Variants in CSNK1G3 observed in about 807,000 individuals in gnomAD.
The protein encoded by CSNK1G3 is casein kinase 1 gamma 3.
A neutral mutation model predicts 64.3 loss-of-function variants in CSNK1G3; 23 were observed. That is an observed-to-expected ratio of 0.36 (90% CI 0.26 to 0.51). The LOEUF is 0.51. CSNK1G3 is among the 20% of genes least tolerant of loss of function. The probability of loss-of-function intolerance (pLI) is 0.96; values close to 1 mark genes in which losing one functional copy is unlikely to be tolerated. For synonymous variants in CSNK1G3, 158 were observed against 162.2 expected (o/e 0.97, Z 0.20); for missense variants, 357 against 510.5 (o/e 0.70, Z 2.90).
At chr5:123,572,907 A>T (rs1373143515) in intron 4 of CSNK1G3, among the ~76,000 whole-genome samples, 2 of 152,216 alleles carry the variant, frequency 1.3e-5, no homozygotes, top group Non-Finnish European at 2.9e-5. Flanking sequence ...GTGAGATCCC[A>T]GGAATCATGC....
chr5:123,513,721 A>G (rs570561388), intron 1 of CSNK1G3, among the ~76,000 whole-genome samples: 49 of 152,202 alleles, frequency 3.2e-4, no homozygotes, highest in Non-Finnish European at 6.3e-4. Flanking sequence ...CTTTTTAAAG[A>G]TGTTTCTTTT....
chr5:123,590,998 G>C (rs1359352664), intron 9 of CSNK1G3, among the ~76,000 whole-genome samples: 1 of 151,694 alleles, frequency 6.6e-6, no homozygotes, highest in Non-Finnish European at 1.5e-5. Context: ...GGAAATGAGA[G>C]GCATAAACAT....
intron 10 of CSNK1G3, among the ~76,000 whole-genome samples, chr5:123,592,380 C>A (rs182691473): frequency 3.9e-5 from 6 of 151,912 alleles, no homozygotes; most frequent in African/African-American, 7.2e-5. Context: ...GATCAAGTAG[C>A]GAGTTCATGT....
At chr5:123,584,882 T>C (rs1283844955) in intron 6 of CSNK1G3, among the ~76,000 whole-genome samples, 1 of 152,210 alleles carries the variant, frequency 6.6e-6, no homozygotes, top group East Asian at 1.9e-4. Context: ...TATTCTTTTA[T>C]CATTCTTTTA....
intron 9 of CSNK1G3, 69 bp downstream of exon 9, chr5:123,590,627 A>G (rs975498676): frequency 1.2e-4 from 115 of 958,658 alleles, no homozygotes; most frequent in East Asian, 6.8e-4. Flanking sequence ...AATATCTTCA[A>G]TTGAAAAGAG....
intron 3 of CSNK1G3, among the ~76,000 whole-genome samples, chr5:123,555,871 G>C (rs1414635045): frequency 6.6e-6 from 1 of 151,994 alleles, no homozygotes; most frequent in Non-Finnish European, 1.5e-5. Flanking sequence ...TCTTTTTATT[G>C]CATCTTAAGG....
At chr5:123,573,679 T>C in intron 5 of CSNK1G3, 138 bp downstream of exon 5, 1 of 651,686 alleles carries the variant, frequency 1.5e-6, no homozygotes, top group Non-Finnish European at 2.4e-6. Flanking sequence ...CTTTTCATGT[T>C]GTCTTTCTGG....
At chr5:123,519,820 A>G (rs1777775163) in intron 1 of CSNK1G3, among the ~76,000 whole-genome samples, 1 of 152,216 alleles carries the variant, frequency 6.6e-6, no homozygotes, top group Non-Finnish European at 1.5e-5. Flanking sequence ...ACACCTGATT[A>G]GTAGAACTCT....
chr5:123,579,882 G>A (rs1365830279), intron 6 of CSNK1G3, among the ~76,000 whole-genome samples: 2 of 151,900 alleles, frequency 1.3e-5, no homozygotes, highest in Admixed American at 1.3e-4. Context: ...TCAGGAGTAG[G>A]TGGGTAATAT....
At chr5:123,529,346 AT>A (rs1358312726) in intron 1 of CSNK1G3, among the ~76,000 whole-genome samples, 2 of 152,236 alleles carry the variant, frequency 1.3e-5, no homozygotes, top group African/African-American at 4.8e-5. Flanking sequence ...CAGTGACTTT[AT>A]AAAACATAAC....
chr5:123,601,861 G>C (rs1479176041), intron 10 of CSNK1G3, among the ~76,000 whole-genome samples: 5 of 152,184 alleles, frequency 3.3e-5, no homozygotes, highest in African/African-American at 1.2e-4. Flanking sequence ...TCAGTGAACT[G>C]TTTGATTATG....
intron 2 of CSNK1G3, among the ~76,000 whole-genome samples, chr5:123,549,550 A>G (rs977367577): frequency 6.6e-6 from 1 of 152,214 alleles, no homozygotes; most frequent in South Asian, 2.1e-4. Context: ...TTATAGCCCA[A>G]AAGTCACTGG....
intron 1 of CSNK1G3, among the ~76,000 whole-genome samples, chr5:123,544,522 A>G (rs187452023): frequency 1.9e-4 from 29 of 152,320 alleles, no homozygotes; most frequent in Non-Finnish European, 3.2e-4. Context: ...ATTAGTGACT[A>G]TATTTTGAAT....
chr5:123,598,205 G>A (rs928026774), intron 10 of CSNK1G3, among the ~76,000 whole-genome samples: 2 of 152,016 alleles, frequency 1.3e-5, no homozygotes, highest in South Asian at 2.1e-4. Context: ...TGCCCCTCTC[G>A]GTTCCCTCTT....
chr5:123,609,973 G>A (rs547613228), intron 12 of CSNK1G3, among the ~76,000 whole-genome samples: 1 of 152,174 alleles, frequency 6.6e-6, no homozygotes, highest in African/African-American at 2.4e-5. Context: ...AGACTGGGAA[G>A]TCCTTTAAAA....
At chr5:123,531,346 A>G (rs1327036334) in intron 1 of CSNK1G3, among the ~76,000 whole-genome samples, 2 of 152,168 alleles carry the variant, frequency 1.3e-5, no homozygotes, top group East Asian at 3.9e-4. Flanking sequence ...CTTAGTTTGC[A>G]GTCTTAAGGA....
chr5:123,555,005 A>G (rs1424860336), intron 3 of CSNK1G3, among the ~76,000 whole-genome samples: 1 of 152,144 alleles, frequency 6.6e-6, no homozygotes, highest in African/African-American at 2.4e-5. Context: ...TTATTATGTC[A>G]TCTTTCAGCC....
intron 1 of CSNK1G3, among the ~76,000 whole-genome samples, chr5:123,538,605 T>G (rs1781199188): frequency 6.6e-6 from 1 of 152,070 alleles, no homozygotes; most frequent in African/African-American, 2.4e-5. Flanking sequence ...AGGAGAGGGA[T>G]AGCATTAGGA....
intron 2 of CSNK1G3, among the ~76,000 whole-genome samples, chr5:123,549,877 T>C (rs1377635405): frequency 1.3e-5 from 2 of 152,242 alleles, no homozygotes; most frequent in East Asian, 1.9e-4. Flanking sequence ...AAATAAGATA[T>C]TGTAACTTTT....
Sources: gnomAD v4.1 joint callset for allele counts (sites outside exome capture counted in the v4.1 genomes callset) on GRCh38, gnomAD v4.1.1 for gene constraint, MANE v1.5 for transcripts, NCBI Gene and HGNC (gene_info 2026-07-23, HGNC 2026-07-21) for gene names.